The following SYT6 variants were observed in gnomAD, a reference collection of about 807,000 sequenced individuals.
SYT6 encodes the protein synaptotagmin 6, also known as synaptotagmin-6.
SYT6 carries 24 observed loss-of-function variants against 38.4 expected under a neutral mutation model. The ratio of observed to expected loss-of-function variants is 0.62; its 90% CI spans 0.45 to 0.88. The LOEUF is 0.88. Ranked by LOEUF, SYT6 falls within the 40% of genes least tolerant of loss-of-function variation. The pLI, the probability that SYT6 is intolerant of heterozygous loss-of-function variation, is 0.00. For synonymous variants in SYT6, 265 were observed against 241.9 expected (o/e 1.10, Z -0.89); for missense variants, 611 against 621.0 (o/e 0.98, Z 0.17).
chr1:114,092,226 A>G, intron 7 of SYT6, 144 bp from the exon 8 acceptor site: 1 of 749,076 alleles, frequency 1.3e-6, no homozygotes. Context: ...CCATGCAAAA[A>G]CATAAGGGAA....
intron 1 of SYT6, among the ~76,000 whole-genome samples, chr1:114,151,124 C>T (rs916694733): frequency 1.3e-5 from 2 of 152,168 alleles, no homozygotes; most frequent in Admixed American, 1.3e-4. Context: ...GGCTGGGAGG[C>T]GGAACAGCTG....
chr1:114,099,009 A>G (rs1049730275), intron 5 of SYT6, 85 bp downstream of exon 5: 1 of 1,385,338 alleles, frequency 7.2e-7, no homozygotes, highest in African/African-American at 1.5e-5. Flanking sequence ...GCCCTGAATC[A>G]CAAGGTCTAA....
chr1:114,137,804 A>G lies in SYT6; in HGVS notation c.762T>C (p.Phe254=). ...CACAAAAGTCCTTGGCAGGGAGGTC[A>G]AAAGCCTTCAGGATACGCACAATCA... ...ETLIVRILKA[F]DLPAKDFCGS... The change falls in exon 3 of 8, where the codon TTT becomes TTC. Residue 254 remains phenylalanine, a synonymous_variant. Transcript: ENST00000610222. 6.2e-7 allele frequency: 1 copy of G among 1,614,094 alleles called. No homozygotes were observed. The highest frequency in any genetic ancestry group is 8.5e-7 in the Non-Finnish European group (1 of 1,180,018).
intron 3 of SYT6, among the ~76,000 whole-genome samples, chr1:114,111,346 A>G (rs1203039580): frequency 6.6e-6 from 1 of 152,216 alleles, no homozygotes; most frequent in African/African-American, 2.4e-5. Flanking sequence ...GGGACACTGA[A>G]GTACGGAGAG....
intron 3 of SYT6, among the ~76,000 whole-genome samples, chr1:114,122,506 T>TGTGTGTGTGTGTGAGCGC (rs60780339): frequency 6.8e-6 from 1 of 147,408 alleles, no homozygotes. Flanking sequence ...TGTGTGTGTG[T>TGTGTGTGTGTGTGAGCGC]GCGCGCACAT....
intron 3 of SYT6, among the ~76,000 whole-genome samples, chr1:114,123,614 CT>C (rs1677549430): frequency 6.6e-6 from 1 of 152,202 alleles, no homozygotes; most frequent in South Asian, 2.1e-4. Flanking sequence ...TCCGTCTTTC[CT>C]TTTGGGTTTT....
At chr1:114,115,502 G>A (rs1267348992) in intron 3 of SYT6, among the ~76,000 whole-genome samples, 1 of 150,562 alleles carries the variant, frequency 6.6e-6, no homozygotes, top group Non-Finnish European at 1.5e-5. Context: ...CTGCAACCTC[G>A]GCTTCCTGGA....
chr1:114,098,004 T>A, intron 5 of SYT6, 127 bp from the exon 6 acceptor site: 1 of 1,099,824 alleles, frequency 9.1e-7, no homozygotes, highest in Non-Finnish European at 1.3e-6. Flanking sequence ...TGAAAACAGA[T>A]GCTTGGCAGG....
chr1:114,148,609 G>T (rs1342694123), intron 1 of SYT6, among the ~76,000 whole-genome samples: 1 of 152,132 alleles, frequency 6.6e-6, no homozygotes, highest in Non-Finnish European at 1.5e-5. Context: ...GAAGAAGAGC[G>T]TTTAGCCTGG....
intron 3 of SYT6, among the ~76,000 whole-genome samples, chr1:114,118,801 C>A (rs1288067016): frequency 2.0e-5 from 3 of 152,248 alleles, no homozygotes; most frequent in Admixed American, 6.5e-5. Context: ...AGAGCCATCT[C>A]CTGTCGGTGT....
chr1:114,119,728 G>C (rs1392370212), intron 3 of SYT6, among the ~76,000 whole-genome samples: 3 of 152,178 alleles, frequency 2.0e-5, no homozygotes, highest in Non-Finnish European at 4.4e-5. Context: ...AGCTCTGACT[G>C]AGCAGGGTTT....
intron 1 of SYT6, 97 bp from the exon 2 acceptor site, chr1:114,140,060 AGACG>A (rs2101096820): frequency 3.0e-6 from 2 of 671,624 alleles, no homozygotes; most frequent in South Asian, 2.2e-5. Flanking sequence ...GAAGGGACAA[AGACG>A]GAAGAAGAGA....
chr1:114,119,583 A>T (rs1677247881), intron 3 of SYT6, among the ~76,000 whole-genome samples: 1 of 152,158 alleles, frequency 6.6e-6, no homozygotes, highest in Admixed American at 6.5e-5. Flanking sequence ...AAGCATGGAG[A>T]TATTACGTTA....
chr1:114,137,217 G>A (rs757441469), intron 3 of SYT6, among the ~76,000 whole-genome samples: 16 of 152,216 alleles, frequency 1.1e-4, no homozygotes, highest in Non-Finnish European at 1.9e-4. Flanking sequence ...ATGCACATCA[G>A]TACTCTCAGT....
chr1:114,093,649 A>C, intron 7 of SYT6, 86 bp downstream of exon 7: 1 of 1,297,256 alleles, frequency 7.7e-7, no homozygotes, highest in South Asian at 1.4e-5. Context: ...TCCTGCTGCT[A>C]TCTCAGCATC....
At chr1:114,146,571 TC>T (rs1463911211) in intron 1 of SYT6, among the ~76,000 whole-genome samples, 1 of 152,234 alleles carries the variant, frequency 6.6e-6, no homozygotes, top group African/African-American at 2.4e-5. Context: ...TGAGTCCTGA[TC>T]CAGTGCTCTT....
chr1:114,111,208 CATA>C (rs1355762564), intron 3 of SYT6, among the ~76,000 whole-genome samples: 2 of 152,202 alleles, frequency 1.3e-5, no homozygotes, highest in African/African-American at 4.8e-5. Context: ...ACACTCCAGC[CATA>C]ATAACCATAA....
chr1:114,105,981 C>CGTA (rs561494372), intron 3 of SYT6, among the ~76,000 whole-genome samples: 6 of 152,264 alleles, frequency 3.9e-5, no homozygotes, highest in African/African-American at 1.4e-4. Flanking sequence ...TCTAGCGGGG[C>CGTA]GTAACCAGTT....
intron 3 of SYT6, among the ~76,000 whole-genome samples, chr1:114,125,347 G>A (rs1677660398): frequency 7.0e-6 from 1 of 142,218 alleles, no homozygotes; most frequent in South Asian, 2.3e-4. Flanking sequence ...CCTGTCCCAG[G>A]GGCTGTCTCT....
Sources: allele counts gnomAD v4.1 joint callset (sites outside exome capture counted in the v4.1 genomes callset), GRCh38; gene constraint gnomAD v4.1.1; transcripts MANE v1.5; gene names NCBI Gene and HGNC (gene_info 2026-07-23, HGNC 2026-07-21).